The following CAAP1 variants were observed in gnomAD, a reference collection of about 807,000 sequenced individuals.
CAAP1 encodes the protein conserved anti-apoptotic protein.
In CAAP1, 20 loss-of-function variants were observed where a neutral mutation model predicts 34.0. That is an observed-to-expected ratio of 0.59 (90% CI 0.41 to 0.86). The LOEUF is 0.86. Among genes scored for constraint, CAAP1 ranks in the 40% least tolerant of loss-of-function variants. CAAP1 has a pLI of 0.00. For synonymous variants in CAAP1, 213 were observed against 166.7 expected (o/e 1.28, Z -2.14); for missense variants, 538 against 450.5 (o/e 1.19, Z -1.76).
chr9:26,877,331 G>A (rs1471973211), intron 4 of CAAP1, among the ~76,000 whole-genome samples: 2 of 152,040 alleles, frequency 1.3e-5, no homozygotes, highest in Admixed American at 1.3e-4. Flanking sequence ...CTGGCCCCAA[G>A]CATTTCCAAT....
At chr9:26,862,992 A>G (rs1413577540) in intron 4 of CAAP1, among the ~76,000 whole-genome samples, 1 of 152,172 alleles carries the variant, frequency 6.6e-6, no homozygotes, top group Non-Finnish European at 1.5e-5. Flanking sequence ...GTAAATCTTG[A>G]TAAAGGGTAT....
chr9:26,868,923 T>A (rs1041655126), intron 4 of CAAP1, among the ~76,000 whole-genome samples: 5 of 152,176 alleles, frequency 3.3e-5, no homozygotes, highest in African/African-American at 7.2e-5. Context: ...TTACGGAACA[T>A]CCGGGAAAAT....
At chr9:26,866,099 G>A (rs1823131582) in intron 4 of CAAP1, among the ~76,000 whole-genome samples, 1 of 152,102 alleles carries the variant, frequency 6.6e-6, no homozygotes, top group Admixed American at 6.5e-5. Flanking sequence ...TGCCCACCTT[G>A]GCCTCCCAAA....
At chr9:26,863,934 G>A (rs1201676225) in intron 4 of CAAP1, among the ~76,000 whole-genome samples, 1 of 152,086 alleles carries the variant, frequency 6.6e-6, no homozygotes, top group African/African-American at 2.4e-5. Context: ...TAGGGCTACA[G>A]ATGTACACCA....
chr9:26,887,525 A>C lies in CAAP1; in HGVS notation c.304-12T>G, dbSNP rs1215687719. The C allele has an allele frequency of 8.6e-6, 13 of 1,511,272 alleles. No homozygotes were observed. Among genetic ancestry groups the C allele is most frequent in the Non-Finnish European group, 1.2e-5 (13 of 1,106,552 alleles). The allele number at this position is 1,511,272 out of a possible 1,614,324, so 93.6% of individuals were successfully genotyped here. A position where few individuals can be genotyped will look rare whatever the true frequency, so the allele number is the denominator to read the frequency against. On this transcript the variant is annotated splice_polypyrimidine_tract_variant and intron_variant, in intron 1 of 5. Coordinates refer to ENST00000333916, the MANE Select transcript of CAAP1 (RefSeq NM_024828.4). ...ATATATTTAGTTTCCTAAAGTTAAA[A>C]GAATAAAGAACCATTAAACAATACT...
At chr9:26,847,700 G>T (rs373252052) in intron 5 of CAAP1, among the ~76,000 whole-genome samples, 17 of 150,044 alleles carry the variant, frequency 1.1e-4, no homozygotes, top group African/African-American at 3.9e-4. Flanking sequence ...TCCTTTTTTT[G>T]TAGTTTTCCT....
intron 3 of CAAP1, among the ~76,000 whole-genome samples, chr9:26,885,493 T>C (rs1479587451): frequency 6.6e-6 from 1 of 152,182 alleles, no homozygotes; most frequent in Admixed American, 6.5e-5. Flanking sequence ...TGCCATCAAT[T>C]TTACATTTAA....
intron 1 of CAAP1, among the ~76,000 whole-genome samples, chr9:26,888,212 C>T (rs1823800972): frequency 6.6e-6 from 1 of 152,174 alleles, no homozygotes; most frequent in Admixed American, 6.5e-5. Flanking sequence ...TGTATACGTA[C>T]TCATCCTTCT....
chr9:26,882,670 C>T (rs1421420296), intron 4 of CAAP1, among the ~76,000 whole-genome samples: 2 of 152,152 alleles, frequency 1.3e-5, no homozygotes, highest in Non-Finnish European at 2.9e-5. Context: ...GGGCCACCGT[C>T]CCCCAGACCC....
rs567485833 is a variant in CAAP1 at position 26,868,765 on chromosome 9, C to T, written c.666-7626G>A. On this transcript the variant is annotated intron_variant, in intron 4 of 5. Transcript: ENST00000333916. ...GACAACTTACCTACTTTCTTCAACA[C>T]GTTCATTTATTAATAAAAAAGCAAA... Among the ~76,000 whole-genome samples, 58 of 152,176 alleles carry T rather than the reference C, an allele frequency of 3.8e-4. 1 individual carries two copies. The highest frequency in any genetic ancestry group is 5.7e-4 in the Non-Finnish European group (39 of 68,008).
At chr9:26,876,980 C>G (rs907179465) in intron 4 of CAAP1, among the ~76,000 whole-genome samples, 2 of 151,858 alleles carry the variant, frequency 1.3e-5, no homozygotes, top group African/African-American at 4.8e-5. Context: ...ATAGTGAGAC[C>G]CTGTCTCTAC....
chr9:26,874,280 G>T (rs977394178), intron 4 of CAAP1, among the ~76,000 whole-genome samples: 4 of 148,412 alleles, frequency 2.7e-5, no homozygotes, highest in Non-Finnish European at 6.0e-5. Flanking sequence ...TGGAGTATAT[G>T]TGATATTTCA....
chr9:26,874,123 C>T (rs945996705), intron 4 of CAAP1, among the ~76,000 whole-genome samples: 27 of 141,386 alleles, frequency 1.9e-4, no homozygotes, highest in Non-Finnish European at 3.2e-4. Flanking sequence ...AGGAGAATGG[C>T]GTGAACCCGG....
intron 4 of CAAP1, among the ~76,000 whole-genome samples, chr9:26,873,494 T>C (rs553853938): frequency 1.1e-4 from 16 of 152,320 alleles, no homozygotes; most frequent in African/African-American, 3.6e-4. Context: ...TTATTCCTTA[T>C]ATATGAAATC....
intron 5 of CAAP1, among the ~76,000 whole-genome samples, 183 bp downstream of exon 5, chr9:26,860,883 A>G (rs1822988453): frequency 6.6e-6 from 1 of 152,202 alleles, no homozygotes; most frequent in Admixed American, 6.5e-5. Flanking sequence ...CTAACTAAAC[A>G]TCATAAAATA....
At chr9:26,842,792 T>G (rs1330761515) in intron 5 of CAAP1, 145 bp from the exon 6 acceptor site, 3 of 611,086 alleles carry the variant, frequency 4.9e-6, no homozygotes, top group African/African-American at 1.9e-5. Context: ...GCCACCCTCT[T>G]TTCCCCTGAC....
At chr9:26,892,215 T>G (rs1251852779) in intron 1 of CAAP1, 198 bp downstream of exon 1, 10 of 1,402,682 alleles carry the variant, frequency 7.1e-6, no homozygotes, top group Admixed American at 2.9e-5. Flanking sequence ...ATCCAGAAAC[T>G]TGAAGTTCAA....
chr9:26,892,275 A>G (rs1823922222), intron 1 of CAAP1, 138 bp downstream of exon 1: 3 of 1,531,078 alleles, frequency 2.0e-6, no homozygotes, highest in Middle Eastern at 3.3e-4. Context: ...TTAGGTAGGA[A>G]CATGAACCTC....
chr9:26,886,356 G>T (rs1262107140), intron 2 of CAAP1, among the ~76,000 whole-genome samples, 168 bp from the exon 3 acceptor site: 5 of 152,114 alleles, frequency 3.3e-5, no homozygotes, highest in Admixed American at 1.3e-4. Context: ...CTGAAAAACT[G>T]CCAGTTAATA....
Sources: allele counts gnomAD v4.1 joint callset (sites outside exome capture counted in the v4.1 genomes callset), GRCh38; gene constraint gnomAD v4.1.1; transcripts MANE v1.5; gene names NCBI Gene and HGNC (gene_info 2026-07-23, HGNC 2026-07-21).